PUDP: variants seen among roughly 807,000 people sequenced by gnomAD.
PUDP encodes pseudouridine-5'-phosphatase.
A neutral mutation model predicts 9.4 loss-of-function variants in PUDP; 8 were observed. The observed-to-expected ratio is 0.85, with a 90% CI of 0.50 to 1.53. PUDP has a LOEUF of 1.53. PUDP is among the 40% of genes most tolerant of loss of function. PUDP has a pLI of 0.00. For synonymous variants in PUDP, 99 were observed against 80.7 expected (o/e 1.23, Z -1.22); for missense variants, 188 against 189.7 (o/e 0.99, Z 0.05).
At chrX:7,124,375 C>T (rs866517643) in intron 1 of PUDP, among the ~76,000 whole-genome samples, 7 of 111,712 alleles carry the variant, frequency 6.3e-5, no homozygotes, top group African/African-American at 2.3e-4. Flanking sequence ...TTATGGGATG[C>T]AGCAAAAGCA....
rs971664225 is a variant in PUDP at position 6,965,967 on chromosome X, C to T, written c.*247+11166G>A. ...AGAACATAAAACTACCTTCTTCCAC[C>T]GTTCGGGAAGGAAATAATTGAAACT... On this transcript the variant is annotated intron_variant and NMD_transcript_variant, in intron 3 of 3. Transcript: ENST00000655425. Among the ~76,000 whole-genome samples, 11 of 110,847 alleles carry T rather than the reference C, an allele frequency of 9.9e-5. 1 individual carries two copies. Among genetic ancestry groups the T allele is most frequent in the African/African-American group, 3.6e-4 (11 of 30,559 alleles).
chrX:6,895,040 G>C (rs1277271711), intron 3 of PUDP, among the ~76,000 whole-genome samples: 1 of 110,645 alleles, frequency 9.0e-6, no homozygotes, highest in Non-Finnish European at 1.9e-5. Flanking sequence ...TGCTATTTCT[G>C]ATCATGGGTG....
At chrX:6,883,521 C>CAAAAA (rs753618830) in intron 3 of PUDP, among the ~76,000 whole-genome samples, 3 of 41,388 alleles carry the variant, frequency 7.2e-5, no homozygotes, top group East Asian at 6.7e-4. Flanking sequence ...GACCTTGTCT[C>CAAAAA]AAAAAAAAAA....
intron 1 of PUDP, among the ~76,000 whole-genome samples, chrX:6,997,790 G>C (rs1929270843): frequency 1.8e-5 from 2 of 111,461 alleles, no homozygotes; most frequent in Non-Finnish European, 1.9e-5. Context: ...ACGTGAGATT[G>C]CTGAGAAAGC....
At chrX:6,791,720 C>A (rs1925752255) in intron 3 of PUDP, among the ~76,000 whole-genome samples, 1 of 111,650 alleles carries the variant, frequency 9.0e-6, no homozygotes, top group Non-Finnish European at 1.9e-5. Context: ...GAACACACAG[C>A]CCTGCTAGAG....
intron 3 of PUDP, among the ~76,000 whole-genome samples, chrX:6,869,693 A>G (rs1927143664): frequency 9.0e-6 from 1 of 110,550 alleles, no homozygotes; most frequent in Admixed American, 9.7e-5. Flanking sequence ...GCAAATCAAA[A>G]CCACAAAGAG....
At chrX:7,120,063 C>T (rs1470590451) in intron 1 of PUDP, among the ~76,000 whole-genome samples, 3 of 110,421 alleles carry the variant, frequency 2.7e-5, no homozygotes, top group African/African-American at 6.8e-5. Context: ...TACATACACA[C>T]ATGCACACAC....
chrX:6,849,922 A>G (rs912576921), intron 3 of PUDP, among the ~76,000 whole-genome samples: 14 of 112,106 alleles, frequency 1.2e-4, no homozygotes, highest in Non-Finnish European at 3.8e-5. Flanking sequence ...ACATTCCCAA[A>G]CTGCCTCCAT....
At chrX:6,727,540 G>A (rs1350514202) in intron 3 of PUDP, among the ~76,000 whole-genome samples, 1 of 112,151 alleles carries the variant, frequency 8.9e-6, no homozygotes, top group African/African-American at 3.2e-5. Context: ...TTTTACTACT[G>A]GGTGTGCACT....
rs1001439513 is a variant in PUDP, at chrX:7,020,034, G to A, written c.205-41691C>T. Among the ~76,000 whole-genome samples the A allele has an allele frequency of 3.1e-4, 34 of 110,270 alleles. 1 individual carries two copies. Among genetic ancestry groups the A allele is most frequent in the Non-Finnish European group, 5.7e-5 (3 of 52,791 alleles). On this transcript the variant is annotated intron_variant and NMD_transcript_variant, in intron 1 of 3. Coordinates refer to the PUDP transcript ENST00000655425. ...ATGCAGGAAGAATGAGAGAGAGAGA[G>A]AGAAAGGGAGATTGGGGAAAGTGAG...
At chrX:7,091,998 C>T (rs1327382143) in intron 2 of PUDP, among the ~76,000 whole-genome samples, 1 of 112,474 alleles carries the variant, frequency 8.9e-6, no homozygotes, top group Non-Finnish European at 1.9e-5. Context: ...TAAACAAGCA[C>T]AAGTATTATA....
intron 3 of PUDP, among the ~76,000 whole-genome samples, chrX:6,946,996 TG>T (rs1246313526): frequency 2.2e-4 from 14 of 62,985 alleles, no homozygotes; most frequent in Non-Finnish European, 2.8e-4. Context: ...TTTTTCTGTT[TG>T]TTTGTTTTTT....
At chrX:6,927,404 T>C (rs1928122344) in intron 3 of PUDP, among the ~76,000 whole-genome samples, 1 of 112,392 alleles carries the variant, frequency 8.9e-6, no homozygotes. Context: ...AAAAGAACAT[T>C]CTTATATTCC....
chrX:7,051,255 G>T (rs1050842902), intron 3 of PUDP, among the ~76,000 whole-genome samples: 65 of 111,933 alleles, frequency 5.8e-4, no homozygotes, highest in African/African-American at 2.0e-3. Flanking sequence ...CAGCAACATG[G>T]ATGGAGCTGG....
chrX:6,836,615 C>G (rs1187904662), intron 3 of PUDP, among the ~76,000 whole-genome samples: 2 of 112,302 alleles, frequency 1.8e-5, no homozygotes, highest in Non-Finnish European at 3.8e-5. Flanking sequence ...CTTCTATAGT[C>G]ACATCTCCCT....
At chrX:6,928,075 C>T (rs1420308484) in intron 3 of PUDP, among the ~76,000 whole-genome samples, 2 of 108,020 alleles carry the variant, frequency 1.9e-5, no homozygotes, top group African/African-American at 6.8e-5. Flanking sequence ...GCTGGGATTA[C>T]AGGTGCACAC....
intron 3 of PUDP, among the ~76,000 whole-genome samples, chrX:7,051,433 C>T (rs960508451): frequency 6.3e-5 from 7 of 111,583 alleles, no homozygotes; most frequent in African/African-American, 2.3e-4. Context: ...ACAGTGCACA[C>T]TGTTCGGTTG....
intron 3 of PUDP, among the ~76,000 whole-genome samples, chrX:6,765,075 T>C (rs984280503): frequency 5.6e-5 from 6 of 106,809 alleles, no homozygotes; most frequent in African/African-American, 2.1e-4. Context: ...GACACCAGCC[T>C]GGGCAACGTG....
At chrX:6,782,961 T>A (rs1276159527) in intron 3 of PUDP, among the ~76,000 whole-genome samples, 1 of 111,336 alleles carries the variant, frequency 9.0e-6, no homozygotes, top group Non-Finnish European at 1.9e-5. Context: ...GCACATATTA[T>A]CATACTCCCA....
Sources: gnomAD v4.1 joint callset for allele counts (sites outside exome capture counted in the v4.1 genomes callset) on GRCh38, gnomAD v4.1.1 for gene constraint, MANE v1.5 for transcripts, NCBI Gene and HGNC (gene_info 2026-07-23, HGNC 2026-07-21) for gene names.